SCGB2B2: variants seen among roughly 807,000 people sequenced by gnomAD.
SCGB2B2 encodes secretoglobin-like protein.
In SCGB2B2, 11 loss-of-function variants were observed where a neutral mutation model predicts 7.6. The ratio of observed to expected loss-of-function variants is 1.45; its 90% confidence interval spans 0.91 to 2.40. The LOEUF is 2.40. SCGB2B2 is among the 30% of genes most tolerant of loss of function. The pLI, the probability that SCGB2B2 is intolerant of heterozygous loss-of-function variation, is 0.00. For synonymous variants in SCGB2B2, 50 were observed against 48.6 expected (o/e 1.03, Z -0.12); for missense variants, 104 against 115.4 (o/e 0.90, Z 0.45).
intron 1 of SCGB2B2, among the ~76,000 whole-genome samples, chr19:34,598,565 G>A (rs1202350694): frequency 6.6e-6 from 1 of 152,186 alleles, no homozygotes; most frequent in African/African-American, 2.4e-5. Context: ...TGGACCCAGG[G>A]GGAAAACCAT....
chr19:34,603,212 G>A (rs1275562865), intron 1 of SCGB2B2, among the ~76,000 whole-genome samples: 1 of 152,160 alleles, frequency 6.6e-6, no homozygotes, highest in Non-Finnish European at 1.5e-5. Flanking sequence ...CATTTTCAGT[G>A]TTATTGGTGG....
At chr19:34,601,677 T>C (rs1418238432) in intron 1 of SCGB2B2, among the ~76,000 whole-genome samples, 1 of 152,232 alleles carries the variant, frequency 6.6e-6, no homozygotes, top group Non-Finnish European at 1.5e-5. Context: ...TATATTGTTT[T>C]GTATTCAGCA....
rs554703606 is a variant in SCGB2B2, at chr19:34,594,162, C to T, written c.246+13G>A. ...GCCATGTAGTGTGTGCAGGTCCCCCCGGGCACACTCACAATAACAACTGAA... is the reference window on the plus strand; with the variant it reads ...GCCATGTAGTGTGTGCAGGTCCCCCTGGGCACACTCACAATAACAACTGAA... On this transcript the variant is annotated intron_variant, in intron 3 of 3. Transcript: ENST00000601241. 9.9e-6 allele frequency: 16 copies of T among 1,610,312 alleles called. No individual in the cohort carries two copies. The highest frequency in any genetic ancestry group is 1.7e-4 in the Middle Eastern group (1 of 6,050).
intron 1 of SCGB2B2, among the ~76,000 whole-genome samples, chr19:34,668,384 C>A (rs1380577502): frequency 6.6e-6 from 1 of 152,212 alleles, no homozygotes; most frequent in African/African-American, 2.4e-5. Flanking sequence ...AGCTGCCTTC[C>A]GGCGGGGCAG....
intron 1 of SCGB2B2, among the ~76,000 whole-genome samples, chr19:34,673,121 G>C (rs991604662): frequency 6.6e-6 from 1 of 152,190 alleles, no homozygotes; most frequent in African/African-American, 2.4e-5. Flanking sequence ...ATTACTGATT[G>C]TAAACACTGC....
intron 1 of SCGB2B2, among the ~76,000 whole-genome samples, chr19:34,602,685 C>T (rs1207757292): frequency 6.6e-6 from 1 of 152,206 alleles, no homozygotes; most frequent in African/African-American, 2.4e-5. Context: ...TACTGATGGT[C>T]AAAGGTCCCG....
At chr19:34,663,956 C>T (rs1224420186) in intron 1 of SCGB2B2, among the ~76,000 whole-genome samples, 2 of 151,982 alleles carry the variant, frequency 1.3e-5, no homozygotes, top group African/African-American at 4.8e-5. Flanking sequence ...CCTCCACAGC[C>T]GGGTTGTCCT....
At chr19:34,637,902 GT>G (rs1029638777) in intron 1 of SCGB2B2, 23 of 152,318 alleles carry the variant, frequency 1.5e-4, no homozygotes, top group Admixed American at 1.4e-3. Context: ...GAGTTTGAAT[GT>G]TTTCTGGTTG....
intron 1 of SCGB2B2, among the ~76,000 whole-genome samples, chr19:34,644,350 G>GTTTTTTTTT (rs76842372): frequency 7.5e-5 from 9 of 120,708 alleles, no homozygotes; most frequent in African/African-American, 2.3e-4. Flanking sequence ...TTGTTTTTTT[G>GTTTTTTTTT]TTTTTTTTTT....
chr19:34,593,551 C>A lies in SCGB2B2; in HGVS notation c.*4G>T, dbSNP rs377254676. ...CCAATATCTGATCTGCAGGGGTCCT[C>A]AGATCAGAAGGCTGCTTCTATGCAA... On this transcript the variant is annotated 3_prime_UTR_variant, in exon 4 of 4. Coordinates refer to ENST00000601241, the MANE Select transcript of SCGB2B2 (RefSeq NM_001025591.4). 1 of 1,551,940 alleles carries A rather than the reference C, an allele frequency of 6.4e-7. No individual in the cohort carries two copies. Among genetic ancestry groups the A allele is most frequent in the African/African-American group, 1.4e-5 (1 of 73,214 alleles).
At chr19:34,624,395 T>G (rs2066314394) in intron 1 of SCGB2B2, among the ~76,000 whole-genome samples, 1 of 152,130 alleles carries the variant, frequency 6.6e-6, no homozygotes, top group South Asian at 2.1e-4. Context: ...TTAGTTTAGT[T>G]TAGTTGAAAG....
At chr19:34,603,977 T>A (rs2145797595) in intron 1 of SCGB2B2, among the ~76,000 whole-genome samples, 1 of 152,244 alleles carries the variant, frequency 6.6e-6, no homozygotes, top group South Asian at 2.1e-4. Flanking sequence ...TAGGGAGATC[T>A]CCTTTTAAAT....
chr19:34,620,161 A>C (rs1423953703), intron 1 of SCGB2B2, among the ~76,000 whole-genome samples: 2 of 152,176 alleles, frequency 1.3e-5, no homozygotes, highest in Non-Finnish European at 2.9e-5. Context: ...ATCTTTTCTT[A>C]ATTGGAAATG....
intron 1 of SCGB2B2, among the ~76,000 whole-genome samples, chr19:34,650,404 G>A (rs2067133071): frequency 6.6e-6 from 1 of 151,272 alleles, no homozygotes; most frequent in Non-Finnish European, 1.5e-5. Context: ...CCACATCACT[G>A]CGGAATTGGG....
chr19:34,628,422 A>C (rs968055641), intron 1 of SCGB2B2, among the ~76,000 whole-genome samples: 2 of 152,014 alleles, frequency 1.3e-5, no homozygotes, highest in Admixed American at 6.6e-5. Context: ...GCAACAAAAA[A>C]TGATAAAGGA....
intron 1 of SCGB2B2, among the ~76,000 whole-genome samples, chr19:34,629,386 A>G (rs1225544223): frequency 6.6e-6 from 1 of 152,072 alleles, no homozygotes; most frequent in Non-Finnish European, 1.5e-5. Flanking sequence ...GTCTCAGCCC[A>G]AAATCTCCTT....
At chr19:34,622,638 A>T (rs112561085) in intron 1 of SCGB2B2, among the ~76,000 whole-genome samples, 2,965 of 152,310 alleles carry the variant, frequency 0.019, 45 homozygotes, top group East Asian at 0.067. Flanking sequence ...CAGCTAAAAA[A>T]TTGAGGAGAG....
intron 1 of SCGB2B2, among the ~76,000 whole-genome samples, chr19:34,622,566 T>C (rs544928046): frequency 8.0e-4 from 122 of 152,332 alleles, no homozygotes; most frequent in Non-Finnish European, 1.6e-3. Context: ...GGACTAGATA[T>C]AGGTACTTTA....
intron 1 of SCGB2B2, among the ~76,000 whole-genome samples, chr19:34,633,528 G>C (rs1262911357): frequency 6.6e-6 from 1 of 152,098 alleles, no homozygotes; most frequent in African/African-American, 2.4e-5. Flanking sequence ...ACAGCATTTT[G>C]TTATTCCATT....
Sources: allele counts gnomAD v4.1 joint callset (sites outside exome capture counted in the v4.1 genomes callset), GRCh38; gene constraint gnomAD v4.1.1; transcripts MANE v1.5; gene names NCBI Gene and HGNC (gene_info 2026-07-23, HGNC 2026-07-21).